The following TEX11 variants were observed in gnomAD, a reference collection of about 807,000 sequenced individuals.
TEX11 encodes testis expressed 11.
A neutral mutation model predicts 84.4 loss-of-function variants in TEX11; 7 were observed. That is an observed-to-expected ratio of 0.08 (90% CI 0.05 to 0.16). The LOEUF is 0.16. Among genes scored for constraint, TEX11 ranks in the 10% least tolerant of loss-of-function variants. The pLI is 1.00. For synonymous variants in TEX11, 264 were observed against 222.8 expected (o/e 1.18, Z -1.64); for missense variants, 551 against 660.5 (o/e 0.83, Z 1.82).
At chrX:70,531,948 A>G (rs1383860810) in intron 28 of TEX11, among the ~76,000 whole-genome samples, 1 of 111,878 alleles carries the variant, frequency 8.9e-6, no homozygotes, top group Non-Finnish European at 1.9e-5. Context: ...CTTTGGCCTA[A>G]GCAGACGATT....
At chrX:70,596,386 G>A (rs978467416) in intron 24 of TEX11, among the ~76,000 whole-genome samples, 3 of 111,372 alleles carry the variant, frequency 2.7e-5, no homozygotes, top group Non-Finnish European at 1.9e-5. Flanking sequence ...GACATGCTAG[G>A]CCATAACACA....
At chrX:70,694,891 C>T (rs2090267003) in intron 13 of TEX11, among the ~76,000 whole-genome samples, 1 of 111,227 alleles carries the variant, frequency 9.0e-6, no homozygotes, top group Admixed American at 9.6e-5. Flanking sequence ...TAACAACCCA[C>T]TCTCCTCAGA....
intron 13 of TEX11, among the ~76,000 whole-genome samples, chrX:70,708,274 C>T (rs1465692667): frequency 2.7e-5 from 3 of 111,232 alleles, no homozygotes; most frequent in Non-Finnish European, 3.8e-5. Context: ...GTCAGAATGG[C>T]TATTATTAAA....
chrX:70,897,998 G>A (rs935216198), intron 2 of TEX11, among the ~76,000 whole-genome samples: 4 of 111,621 alleles, frequency 3.6e-5, no homozygotes, highest in Non-Finnish European at 5.6e-5. Context: ...AGAATCCAAG[G>A]AAACTGCACC....
At chrX:70,879,024 C>G (rs760335624) in intron 3 of TEX11, among the ~76,000 whole-genome samples, 1 of 111,481 alleles carries the variant, frequency 9.0e-6, no homozygotes, top group Non-Finnish European at 1.9e-5. Context: ...GTCAGTAAAC[C>G]ACACATTGTA....
chrX:70,577,272 GA>G (rs1031558303), intron 25 of TEX11, among the ~76,000 whole-genome samples: 7 of 106,366 alleles, frequency 6.6e-5, no homozygotes, highest in Admixed American at 3.0e-4. Flanking sequence ...GGAAGAAACA[GA>G]AAAAAAAAAT....
intron 2 of TEX11, among the ~76,000 whole-genome samples, chrX:70,899,645 C>T (rs777606129): frequency 2.8e-5 from 3 of 107,508 alleles, no homozygotes; most frequent in East Asian, 2.9e-4. Flanking sequence ...CCGTGGCTCA[C>T]ACCTGTAATC....
chrX:70,661,055 G>A lies in TEX11; in HGVS notation c.1380+9322C>T, dbSNP rs138923783. Among the ~76,000 whole-genome samples the A allele has an allele frequency of 2.6e-3, 296 of 112,422 alleles. 1 individual carries two copies. Among genetic ancestry groups the A allele is most frequent in the African/African-American group, 8.0e-3 (247 of 30,994 alleles). ...GGACAGTGGGTGCAGCACACCGAGC[G>A]TGAGCTGAAGCAGGGCGAGGCATTG... On this transcript the variant is annotated intron_variant, in intron 16 of 29. Transcript: ENST00000374333.
chrX:70,752,195 A>C (rs1385516180), intron 9 of TEX11, among the ~76,000 whole-genome samples: 1 of 112,033 alleles, frequency 8.9e-6, no homozygotes, highest in Non-Finnish European at 1.9e-5. Context: ...CAAAGCAATA[A>C]TTATAACCAT....
At chrX:70,678,160 C>CTGA (rs1465648138) in intron 15 of TEX11, among the ~76,000 whole-genome samples, 1 of 109,377 alleles carries the variant, frequency 9.1e-6, no homozygotes, top group African/African-American at 3.3e-5. Context: ...CCTTCATTGC[C>CTGA]TGATGTTCAG....
At chrX:70,649,923 C>T (rs1335537072) in intron 17 of TEX11, among the ~76,000 whole-genome samples, 1 of 111,991 alleles carries the variant, frequency 8.9e-6, no homozygotes, top group African/African-American at 3.2e-5. Flanking sequence ...CTGGTGAATG[C>T]ATTTTTCCAT....
intron 25 of TEX11, among the ~76,000 whole-genome samples, chrX:70,569,305 G>A (rs1427633678): frequency 4.5e-5 from 5 of 111,224 alleles, no homozygotes; most frequent in South Asian, 7.6e-4. Context: ...TTATATATTC[G>A]TCTAAATTTT....
chrX:70,524,807 C>T (rs2087808038), downstream of TEX11, among the ~76,000 whole-genome samples: 4 of 112,088 alleles, frequency 3.6e-5, no homozygotes, highest in East Asian at 2.8e-4. Context: ...TCAGGGGATC[C>T]GCCTGCCTCG....
intron 14 of TEX11, among the ~76,000 whole-genome samples, chrX:70,679,808 C>T (rs1350016149): frequency 9.9e-6 from 1 of 101,396 alleles, no homozygotes; most frequent in Non-Finnish European, 2.1e-5. Flanking sequence ...CCCGGCCAGC[C>T]GCCCCGTCCG....
chrX:70,654,709 C>CAAAAA (rs56822297), intron 16 of TEX11, among the ~76,000 whole-genome samples: 118 of 37,521 alleles, frequency 3.1e-3, no homozygotes, highest in African/African-American at 4.6e-3. Flanking sequence ...GACTCTGTCT[C>CAAAAA]AAAAAAAAAA....
At chrX:70,563,323 G>T (rs1049159559) in intron 25 of TEX11, among the ~76,000 whole-genome samples, 3 of 111,980 alleles carry the variant, frequency 2.7e-5, no homozygotes, top group Non-Finnish European at 3.8e-5. Context: ...ACATGTAAAG[G>T]AGAAGAATGG....
chrX:70,833,502 A>T lies in TEX11; in HGVS notation c.606+11T>A, dbSNP rs111766336. On this transcript the variant is annotated intron_variant, in intron 8 of 29. Coordinates refer to ENST00000374333, the MANE Select transcript of TEX11 (RefSeq NM_031276.3). ...ATTTTCAAACTCTTGGAGAATGCAG[A>T]CTTCACTCACCATCTGGGGGAGCCT... The T allele has an allele frequency of 3.6e-3, 4,319 of 1,187,191 alleles. 88 individuals carry two copies. In the African/African-American group the frequency reaches 0.068, roughly 19 times the overall value.
intron 2 of TEX11, among the ~76,000 whole-genome samples, chrX:70,898,831 T>C (rs1353214140): frequency 9.0e-6 from 1 of 111,114 alleles, no homozygotes; most frequent in Non-Finnish European, 1.9e-5. Context: ...GGTCTCGATC[T>C]CCTGACCTCA....
At chrX:70,729,447 T>C (rs915806870) in intron 11 of TEX11, among the ~76,000 whole-genome samples, 1 of 110,611 alleles carries the variant, frequency 9.0e-6, no homozygotes, top group African/African-American at 3.3e-5. Context: ...GAATAACCAA[T>C]ACAGAGAAGT....
Sources: gnomAD v4.1 joint callset for allele counts (sites outside exome capture counted in the v4.1 genomes callset) on GRCh38, gnomAD v4.1.1 for gene constraint, MANE v1.5 for transcripts, NCBI Gene and HGNC (gene_info 2026-07-23, HGNC 2026-07-21) for gene names.